The following CPEB3 variants were observed in gnomAD, a reference collection of about 807,000 sequenced individuals.
The protein encoded by CPEB3 is cytoplasmic polyadenylation element-binding protein 3.
In CPEB3, 20 loss-of-function variants were observed where a neutral mutation model predicts 67.2. That is an observed-to-expected ratio of 0.30 (90% CI 0.21 to 0.43). CPEB3 has a LOEUF of 0.43. Among genes scored for constraint, CPEB3 ranks in the 20% least tolerant of loss-of-function variants. The probability of loss-of-function intolerance (pLI) is 1.00; values close to 1 mark genes in which losing one functional copy is unlikely to be tolerated. For synonymous variants in CPEB3, 376 were observed against 393.1 expected (o/e 0.96, Z 0.51); for missense variants, 746 against 968.6 (o/e 0.77, Z 3.05).
At chr10:92,273,101 G>GTT (rs1853374011) in intron 1 of CPEB3, among the ~76,000 whole-genome samples, 1 of 152,298 alleles carries the variant, frequency 6.6e-6, no homozygotes, top group East Asian at 1.9e-4. Context: ...GTAGGGGAAT[G>GTT]TGGTAAGAGA....
chr10:92,203,459 T>C (rs960201675), intron 2 of CPEB3, among the ~76,000 whole-genome samples: 1 of 147,584 alleles, frequency 6.8e-6, no homozygotes, highest in Admixed American at 6.8e-5. Context: ...TATACGTATA[T>C]ATGTATATGT....
At chr10:92,197,552 AC>A (rs937294341) in intron 2 of CPEB3, among the ~76,000 whole-genome samples, 20 of 152,190 alleles carry the variant, frequency 1.3e-4, no homozygotes, top group African/African-American at 4.8e-4. Context: ...ACAAGCAAAC[AC>A]ACCAAGAAGT....
intron 6 of CPEB3, among the ~76,000 whole-genome samples, chr10:92,139,298 A>C: frequency 6.6e-6 from 1 of 152,110 alleles, no homozygotes; most frequent in East Asian, 1.9e-4. Flanking sequence ...ATAAAAAAAA[A>C]AAAAAAAAAG....
intron 7 of CPEB3, among the ~76,000 whole-genome samples, chr10:92,092,499 G>A (rs1843662179): frequency 1.3e-5 from 2 of 152,192 alleles, no homozygotes; most frequent in Admixed American, 6.5e-5. Flanking sequence ...GTACTCTCTG[G>A]CTGGGCATGG....
chr10:92,109,947 A>G (rs2133471531), intron 7 of CPEB3, among the ~76,000 whole-genome samples: 1 of 152,272 alleles, frequency 6.6e-6, no homozygotes, highest in Middle Eastern at 3.4e-3. Context: ...TTAGCCAGTT[A>G]AATTTGTACA....
intron 2 of CPEB3, among the ~76,000 whole-genome samples, chr10:92,194,198 T>C (rs945015888): frequency 6.6e-6 from 1 of 151,576 alleles, no homozygotes; most frequent in African/African-American, 2.4e-5. Flanking sequence ...TCCCAGTACT[T>C]TGGGAGGCCG....
rs3047561 is a variant in CPEB3 at position 92,236,746 on chromosome 10, T to TCACACA, written c.1005+2594_1005+2599dup. The stretch of plus-strand genomic sequence containing the variant: ...CCTGAGCAACAAAAGTGAAACATTG[T>TCACACA]CACACACACACACACACACATAAAA... On this transcript the variant is annotated intron_variant, in intron 2 of 9. Transcript: ENST00000265997. Among the ~76,000 whole-genome samples, 14 of 150,746 alleles carry TCACACA rather than the reference T, an allele frequency of 9.3e-5. 1 individual carries two copies. The highest frequency in any genetic ancestry group is 3.2e-4 in the African/African-American group (13 of 41,064).
intron 2 of CPEB3, chr10:92,216,771 A>C: frequency 6.2e-7 from 1 of 1,610,150 alleles, no homozygotes; most frequent in Non-Finnish European, 8.5e-7. Context: ...GAGGAGGTGC[A>C]GTCCCTGCCC....
At chr10:92,290,856 C>T (rs1007515325) in intron 1 of CPEB3, 70 bp downstream of exon 1, 17 of 152,636 alleles carry the variant, frequency 1.1e-4, no homozygotes, top group African/African-American at 4.1e-4. Flanking sequence ...TCAGCCCCCT[C>T]CCCTCACCTG....
intron 2 of CPEB3, among the ~76,000 whole-genome samples, chr10:92,210,341 A>G (rs1037957319): frequency 6.6e-6 from 1 of 152,198 alleles, no homozygotes; most frequent in African/African-American, 2.4e-5. Context: ...AGGGACCTCA[A>G]TTCTGTCTTC....
Position 92,052,153 on chromosome 10 carries a change from C to T in CPEB3, c.*59G>A, listed in dbSNP as rs1841916300. 12 of 1,164,354 alleles carry T rather than the reference C, an allele frequency of 1.0e-5. No homozygotes were observed. Among genetic ancestry groups the T allele is most frequent in the Admixed American group, 1.8e-5 (1 of 56,012 alleles). The allele number at this position is 1,164,354 out of a possible 1,614,324, so 72.1% of individuals were successfully genotyped here. On this transcript the variant is annotated 3_prime_UTR_variant, in exon 10 of 10. Transcript: ENST00000265997. ...GAACACTGTAAGCCCTGAGGCAGTG[C>T]CCTCTCTTTTCCCTCCTTGTTATCT...
At chr10:92,182,820 C>A (rs1414266351) in intron 3 of CPEB3, among the ~76,000 whole-genome samples, 1 of 137,506 alleles carries the variant, frequency 7.3e-6, no homozygotes, top group Admixed American at 7.5e-5. Flanking sequence ...AGCAAGACTC[C>A]GTCTCAAAAA....
chr10:92,077,733 A>C (rs1313995498), intron 9 of CPEB3, among the ~76,000 whole-genome samples: 1 of 151,202 alleles, frequency 6.6e-6, no homozygotes, highest in Non-Finnish European at 1.5e-5. Context: ...AGACCCTGTC[A>C]CAAAAAGAGA....
At chr10:92,235,456 A>C (rs754897490) in intron 2 of CPEB3, among the ~76,000 whole-genome samples, 1 of 152,128 alleles carries the variant, frequency 6.6e-6, no homozygotes, top group Non-Finnish European at 1.5e-5. Context: ...AAAAAAAAAA[A>C]ATCAGTAATC....
rs1443537779 is a variant in CPEB3, at chr10:92,148,598, G to A, written c.1223-3513C>T. Among the ~76,000 whole-genome samples, 5 of 152,066 alleles carry A rather than the reference G, an allele frequency of 3.3e-5. No individual in the cohort carries two copies. In the East Asian group the frequency reaches 5.8e-4, roughly 18 times the overall value. The stretch of plus-strand genomic sequence containing the variant: ...ATTAAATTGTAAACTCTATTAGGAT[G>A]GGACCAATTTAATCTTGTTCACCAC... On this transcript the variant is annotated intron_variant, in intron 4 of 9. Coordinates refer to ENST00000265997, the MANE Select transcript of CPEB3 (RefSeq NM_014912.5).
chr10:92,270,144 T>C (rs1181357474), intron 1 of CPEB3, among the ~76,000 whole-genome samples: 1 of 152,180 alleles, frequency 6.6e-6, no homozygotes, highest in Non-Finnish European at 1.5e-5. Flanking sequence ...AGCAAGAAGA[T>C]AAATTTCCTC....
At chr10:92,267,517 G>A (rs1564920979) in intron 1 of CPEB3, among the ~76,000 whole-genome samples, 1 of 152,160 alleles carries the variant, frequency 6.6e-6, no homozygotes, top group Non-Finnish European at 1.5e-5. Context: ...TAAGTGTGAT[G>A]GGAATCCCCT....
intron 9 of CPEB3, among the ~76,000 whole-genome samples, chr10:92,064,100 G>A (rs1235521227): frequency 1.3e-5 from 2 of 152,210 alleles, no homozygotes; most frequent in African/African-American, 2.4e-5. Flanking sequence ...GGAATATGAA[G>A]AGGCTGACAA....
intron 1 of CPEB3, among the ~76,000 whole-genome samples, chr10:92,276,978 T>C (rs747288161): frequency 1.3e-5 from 2 of 152,248 alleles, no homozygotes; most frequent in South Asian, 2.1e-4. Context: ...GCCATTTATA[T>C]ACCTTCTTTG....
Sources: allele counts gnomAD v4.1 joint callset (sites outside exome capture counted in the v4.1 genomes callset), GRCh38; gene constraint gnomAD v4.1.1; transcripts MANE v1.5; gene names NCBI Gene and HGNC (gene_info 2026-07-23, HGNC 2026-07-21).